WDFY3: variants seen among roughly 807,000 people sequenced by gnomAD.
The protein encoded by WDFY3 is WD repeat and FYVE domain containing 3.
In WDFY3, 66 loss-of-function variants were observed where a neutral mutation model predicts 409.6. The ratio of observed to expected loss-of-function variants is 0.16; its 90% CI spans 0.13 to 0.20. WDFY3 has a LOEUF of 0.20. Ranked by LOEUF, WDFY3 falls within the 10% of genes least tolerant of loss-of-function variation. WDFY3 has a pLI of 1.00. For missense variants in WDFY3, 3,031 were observed against 4,298.1 expected (o/e 0.71, Z 8.24); for synonymous variants, 1,521 against 1,537.1 (o/e 0.99, Z 0.25).
chr4:84,741,303 G>A (rs927173921), intron 38 of WDFY3, among the ~76,000 whole-genome samples: 1 of 151,234 alleles, frequency 6.6e-6, no homozygotes, highest in Non-Finnish European at 1.5e-5. Flanking sequence ...TTCAAAGTCT[G>A]TATCTCTATT....
chr4:84,774,472 C>A (rs766173945), intron 29 of WDFY3, among the ~76,000 whole-genome samples: 1 of 152,178 alleles, frequency 6.6e-6, no homozygotes, highest in Non-Finnish European at 1.5e-5. Context: ...AGTGTGTATG[C>A]GTGCTTGTGC....
At chr4:84,789,645 ACACACACACACACACACACACACACC>A (rs763519573) in intron 22 of WDFY3, 55 bp downstream of exon 22, 426 of 1,255,140 alleles carry the variant, frequency 3.4e-4, no homozygotes, top group Non-Finnish European at 4.5e-4. Flanking sequence ...ACACACACAC[ACACACACACACACACACACACACACC>A]CCCCAAACTA....
intron 3 of WDFY3, among the ~76,000 whole-genome samples, chr4:84,873,078 TGGA>T (rs1762337747): frequency 6.6e-6 from 1 of 152,194 alleles, no homozygotes; most frequent in South Asian, 2.1e-4. Flanking sequence ...AATTGATTAT[TGGA>T]GTTTGAGACA....
chr4:84,821,090 C>A lies in WDFY3; in HGVS notation c.1585G>T (p.Glu529Ter). The change falls in exon 11 of 68, where the codon GAA becomes TAA. Residue 529 changes from glutamate to a stop codon, truncating the protein, a stop_gained. Coordinates refer to ENST00000295888, the MANE Select transcript of WDFY3 (RefSeq NM_014991.6). LOFTEE classifies it high-confidence loss of function. ...LLKDPTQALN[E>*]QGDSRNNSSV... ...ATTACAGACAATACTTTACCTTGTT[C>A]ATTTAGTGCCTGAGTTGGATCCTTC... 6.2e-7 allele frequency: 1 copy of A among 1,603,480 alleles called. No homozygotes were observed. Among genetic ancestry groups the A allele is most frequent in the South Asian group, 1.1e-5 (1 of 89,656 alleles).
At chr4:84,880,963 T>G (rs901409474) in intron 3 of WDFY3, among the ~76,000 whole-genome samples, 1 of 151,630 alleles carries the variant, frequency 6.6e-6, no homozygotes, top group Non-Finnish European at 1.5e-5. Context: ...CCTTAAGTGA[T>G]CCGCCCTCCT....
intron 37 of WDFY3, among the ~76,000 whole-genome samples, chr4:84,742,214 G>C (rs1165859625): frequency 6.6e-6 from 1 of 152,198 alleles, no homozygotes; most frequent in Non-Finnish European, 1.5e-5. Flanking sequence ...GTCAGTCACA[G>C]CTGTTCTCCA....
chr4:84,735,659 A>T (rs114096765), intron 42 of WDFY3, among the ~76,000 whole-genome samples: 1,696 of 152,280 alleles, frequency 0.011, 27 homozygotes, highest in African/African-American at 0.039. Context: ...CTTCCTAGAA[A>T]ACCTAACCTG....
chr4:84,706,045 C>T (rs1731885699), intron 53 of WDFY3, among the ~76,000 whole-genome samples: 1 of 150,198 alleles, frequency 6.7e-6, no homozygotes, highest in Non-Finnish European at 1.5e-5. Flanking sequence ...TAAAAGATAA[C>T]ATCACACCAG....
rs771442928 is a variant in WDFY3, at chr4:84,726,858, T to C, written c.7272+3A>G. ...CATTCTTTTACTGTAATTTGTGTTT[T>C]ACCTTTTGAGGAATATCATCGGGTG... On this transcript the variant is annotated splice_donor_region_variant and intron_variant, in intron 45 of 67. Coordinates refer to ENST00000295888, the MANE Select transcript of WDFY3 (RefSeq NM_014991.6). The C allele has an allele frequency of 6.3e-7, 1 of 1,599,718 alleles. No homozygotes were observed. The highest frequency in any genetic ancestry group is 8.5e-7 in the Non-Finnish European group (1 of 1,176,098).
chr4:84,810,380 A>T, intron 13 of WDFY3, 36 bp from the exon 14 acceptor site: 4 of 1,366,474 alleles, frequency 2.9e-6, no homozygotes, highest in Admixed American at 3.0e-5. Flanking sequence ...ATGAAAATAC[A>T]CATAATTCAA....
intron 1 of WDFY3, among the ~76,000 whole-genome samples, chr4:84,947,363 T>A (rs1175050355): frequency 6.7e-6 from 1 of 149,530 alleles, no homozygotes; most frequent in African/African-American, 2.4e-5. Flanking sequence ...ATACAAAAAA[T>A]TGGCCAGGTG....
chr4:84,826,123 T>C (rs1164263848), intron 10 of WDFY3, among the ~76,000 whole-genome samples: 2 of 152,088 alleles, frequency 1.3e-5, no homozygotes, highest in Admixed American at 6.6e-5. Flanking sequence ...GCTGTATCCA[T>C]GGGTTCTGCA....
At chr4:84,891,812 C>T (rs1368579496) in intron 3 of WDFY3, among the ~76,000 whole-genome samples, 1 of 152,118 alleles carries the variant, frequency 6.6e-6, no homozygotes, top group Admixed American at 6.5e-5. Context: ...ACTACATCTC[C>T]AAAGTCTATG....
At chr4:84,918,940 T>C (rs1267756645) in intron 2 of WDFY3, among the ~76,000 whole-genome samples, 2 of 151,838 alleles carry the variant, frequency 1.3e-5, no homozygotes, top group African/African-American at 4.8e-5. Context: ...ATAACATATA[T>C]ACCAAAGCAT....
intron 19 of WDFY3, among the ~76,000 whole-genome samples, chr4:84,796,092 T>G (rs1749391132): frequency 1.3e-5 from 2 of 151,900 alleles, no homozygotes; most frequent in Non-Finnish European, 2.9e-5. Flanking sequence ...TTGGCAGACT[T>G]TTTCTGGAAA....
chr4:84,709,498 T>G (rs554905989), intron 51 of WDFY3, 151 bp from the exon 52 acceptor site: 1 of 619,968 alleles, frequency 1.6e-6, no homozygotes, highest in South Asian at 2.3e-5. Flanking sequence ...TAGTGGGTTG[T>G]GATCAGCATT....
chr4:84,946,061 C>T lies in WDFY3; in HGVS notation c.-225-13698G>A, dbSNP rs572601938. Among the ~76,000 whole-genome samples, 13 of 152,182 alleles carry T rather than the reference C, an allele frequency of 8.5e-5. No homozygotes were observed. In the South Asian group the frequency reaches 2.5e-3, roughly 29 times the overall value. On this transcript the variant is annotated intron_variant, in intron 1 of 67. Coordinates refer to ENST00000295888, the MANE Select transcript of WDFY3 (RefSeq NM_014991.6). ...GGAATCTCATATTCTCTGGCAGTGCCGTACACAGTGTTAATGTGAGTGAAA... is the reference window on the plus strand; with the variant it reads ...GGAATCTCATATTCTCTGGCAGTGCTGTACACAGTGTTAATGTGAGTGAAA...
At chr4:84,688,580 T>C (rs1009688528) in intron 61 of WDFY3, among the ~76,000 whole-genome samples, 1 of 152,190 alleles carries the variant, frequency 6.6e-6, no homozygotes, top group Non-Finnish European at 1.5e-5. Context: ...CAGCTTGGGT[T>C]TCTTTATACC....
rs113342432 is a variant in WDFY3 at position 84,751,507 on chromosome 4, A to C, written c.5949T>G (p.Thr1983=). 6.2e-7 allele frequency: 1 copy of C among 1,614,212 alleles called. No homozygotes were observed. The highest frequency in any genetic ancestry group is 1.1e-5 in the South Asian group (1 of 91,088). ...CCTCCAACAAAAGATCAATTAGTGG[A>C]GTTTGCTTGCTGGCAGGAGTGAGAC... The part of the protein sequence containing the change: ...NLCLTPASKQ[T]PLIDLLLEAS... The change falls in exon 36 of 68, where the codon ACT becomes ACG. Residue 1983 remains threonine (T), a synonymous_variant. Coordinates refer to ENST00000295888, the MANE Select transcript of WDFY3 (RefSeq NM_014991.6).
Sources: gnomAD v4.1 joint callset for allele counts (sites outside exome capture counted in the v4.1 genomes callset) on GRCh38, gnomAD v4.1.1 for gene constraint, MANE v1.5 for transcripts, NCBI Gene and HGNC (gene_info 2026-07-23, HGNC 2026-07-21) for gene names.